TBXAS1: variants seen among roughly 807,000 people sequenced by gnomAD.
The protein encoded by TBXAS1 is thromboxane A synthase 1.
A neutral mutation model predicts 60.7 loss-of-function variants in TBXAS1; 48 were observed. That is an observed-to-expected ratio of 0.79 (90% CI 0.63 to 1.01). TBXAS1 has a LOEUF of 1.01. Ranked by LOEUF, TBXAS1 falls within the 50% of genes least tolerant of loss-of-function variation. The probability of loss-of-function intolerance (pLI) is 0.00; values close to 1 mark genes in which losing one functional copy is unlikely to be tolerated. For missense variants in TBXAS1, 685 were observed against 686.3 expected (o/e 1.00, Z 0.02); for synonymous variants, 287 against 269.7 (o/e 1.06, Z -0.63).
At chr7:139,937,428 G>A (rs1270107126) in intron 5 of TBXAS1, among the ~76,000 whole-genome samples, 3 of 152,224 alleles carry the variant, frequency 2.0e-5, no homozygotes, top group Non-Finnish European at 4.4e-5. Context: ...CAGAAGAGGA[G>A]GGGGTTCCAC....
chr7:139,902,493 AGTTT>A, intron 3 of TBXAS1, among the ~76,000 whole-genome samples: 1 of 152,242 alleles, frequency 6.6e-6, no homozygotes, highest in East Asian at 1.9e-4. Flanking sequence ...GATGTACTAC[AGTTT>A]GTTTACCCAT....
chr7:139,806,861 C>T (rs1050159697), intron 4 of TBXAS1, among the ~76,000 whole-genome samples: 11 of 151,790 alleles, frequency 7.2e-5, no homozygotes, highest in African/African-American at 2.4e-4. Flanking sequence ...CTTTCACCGC[C>T]ATCCACACTG....
chr7:139,782,684 TGAGCCTGTGCCTGTGGTTTATCTCTG>T (rs1218540406), exon 3 of TBXAS1: 1 of 152,270 alleles, frequency 6.6e-6, no homozygotes, highest in Non-Finnish European at 1.5e-5. Flanking sequence ...TTTCCATGTG[TGAGCCTGTGCCTGTGGTTTATCTCTG>T]GAGGATGTGC....
intron 4 of TBXAS1, among the ~76,000 whole-genome samples, chr7:139,818,551 G>T (rs1389130156): frequency 6.6e-6 from 1 of 152,142 alleles, no homozygotes; most frequent in Non-Finnish European, 1.5e-5. Flanking sequence ...CATTCTAGGT[G>T]GAGACTGGTA....
intron 1 of TBXAS1, among the ~76,000 whole-genome samples, chr7:139,850,656 A>G (rs1273250111): frequency 1.3e-5 from 2 of 152,202 alleles, no homozygotes; most frequent in Admixed American, 6.5e-5. Context: ...TCAAGTTAAG[A>G]TGAGGTCCTA....
At chr7:139,994,873 T>C (rs1434954875) in intron 9 of TBXAS1, among the ~76,000 whole-genome samples, 1 of 152,170 alleles carries the variant, frequency 6.6e-6, no homozygotes, top group Non-Finnish European at 1.5e-5. Flanking sequence ...GGTGGTCTGC[T>C]GAAAATGCTG....
At chr7:139,961,022 C>T (rs1173336823) in intron 8 of TBXAS1, among the ~76,000 whole-genome samples, 1 of 152,044 alleles carries the variant, frequency 6.6e-6, no homozygotes, top group Non-Finnish European at 1.5e-5. Context: ...GATATAGAAA[C>T]ACTCCTATTG....
upstream of TBXAS1, among the ~76,000 whole-genome samples, chr7:139,828,583 C>T (rs1585565256): frequency 6.6e-6 from 1 of 152,156 alleles, no homozygotes; most frequent in East Asian, 1.9e-4. Context: ...AGATGCTGCT[C>T]TGTCTGAAGC....
intron 1 of TBXAS1, among the ~76,000 whole-genome samples, chr7:139,842,618 A>G (rs540185896): frequency 1.3e-5 from 2 of 152,240 alleles, no homozygotes; most frequent in African/African-American, 4.8e-5. Context: ...TAAGAGCCAC[A>G]TCTTTCCTGG....
intron 4 of TBXAS1, among the ~76,000 whole-genome samples, chr7:139,926,581 T>A (rs958134570): frequency 1.3e-5 from 2 of 152,074 alleles, no homozygotes; most frequent in Non-Finnish European, 1.5e-5. Context: ...AAAAACCAAC[T>A]TTTTATTTTG....
rs1802864116 is a variant in TBXAS1, at chr7:139,883,658, A to C, written c.236+8021A>C. ...TACTGCTTGTTACCTTAATGGATTT[A>C]GGCCAATCACTTCCCCTCTCCAGCT... On this transcript the variant is annotated intron_variant, in intron 3 of 12. Coordinates refer to ENST00000448866, the MANE Select transcript of TBXAS1 (RefSeq NM_001061.7). Among the ~76,000 whole-genome samples, 4 of 152,342 alleles carry C rather than the reference A, an allele frequency of 2.6e-5. No individual in the cohort carries two copies. The South Asian group carries it at 8.3e-4, about 32-fold the overall frequency.
Position 139,872,484 on chromosome 7 carries a change from G to A in TBXAS1, c.183+156G>A, listed in dbSNP as rs1279521604. Among the ~76,000 whole-genome samples the A allele has an allele frequency of 2.6e-5, 4 of 151,988 alleles. No homozygotes were observed. In the South Asian group the frequency reaches 6.2e-4, roughly 24 times the overall value. On this transcript the variant is annotated intron_variant, in intron 2 of 12. Transcript: ENST00000448866. Reference sequence around the variant, plus strand: ...AGCCTGACCAACATGGTGAAACCCCGTCTCTACTAAATACAAAAAATTAGC... The same window carrying A: ...AGCCTGACCAACATGGTGAAACCCCATCTCTACTAAATACAAAAAATTAGC...
chr7:139,803,671 T>C (rs1797774704), intron 4 of TBXAS1, among the ~76,000 whole-genome samples: 2 of 152,084 alleles, frequency 1.3e-5, no homozygotes, highest in Admixed American at 1.3e-4. Context: ...AGGCCCCCAC[T>C]GTGTGCAGCC....
intron 1 of TBXAS1, among the ~76,000 whole-genome samples, chr7:139,849,072 GA>G (rs998592483): frequency 3.3e-5 from 5 of 151,724 alleles, no homozygotes; most frequent in African/African-American, 9.7e-5. Context: ...CTCTCTGGGG[GA>G]AAAAAAACAA....
rs369644265 is a variant in TBXAS1 at position 139,936,271 on chromosome 7, C to G, written c.414C>G (p.Ala138=). ...AAAGATGGGAAGAGGTCAGAGGTGC[C>G]CTGATGTCTGCTTTCAGTCCTGAAA... is the stretch of plus-strand genomic sequence containing the variant. The part of the protein sequence containing the change: ...RDKRWEEVRG[A]LMSAFSPEKL... The change falls in exon 5 of 13, where the codon GCC becomes GCG. Residue 138 remains alanine, a synonymous_variant. Coordinates refer to ENST00000448866, the MANE Select transcript of TBXAS1 (RefSeq NM_001061.7). 2.7e-4 allele frequency: 435 copies of G among 1,614,010 alleles called. No individual in the cohort carries two copies. Among genetic ancestry groups the G allele is most frequent in the Non-Finnish European group, 3.6e-4 (423 of 1,180,028 alleles).
At position 139,926,311 on chromosome 7, in the gene TBXAS1, C is replaced by T. The variant is rs140924501; in HGVS notation, c.334-9880C>T. 3.5e-3 allele frequency among the ~76,000 whole-genome samples: 537 copies of T among 152,204 alleles called. 7 individuals carry two copies. The highest frequency in any genetic ancestry group is 0.012 in the African/African-American group (503 of 41,530). On this transcript the variant is annotated intron_variant, in intron 4 of 12. Transcript: ENST00000448866. ...TTCTTTGCTGGGAGACTTTTTATTA[C>T]GGCTTTGATTTCATTACTTGTTATT...
chr7:139,827,719 G>C (rs1231787457), upstream of TBXAS1, among the ~76,000 whole-genome samples: 1 of 152,192 alleles, frequency 6.6e-6, no homozygotes, highest in Non-Finnish European at 1.5e-5. Context: ...GAAAATGACT[G>C]TATCTTTCCT....
At chr7:139,869,158 G>A (rs1421487496) in intron 1 of TBXAS1, among the ~76,000 whole-genome samples, 2 of 152,158 alleles carry the variant, frequency 1.3e-5, no homozygotes, top group African/African-American at 4.8e-5. Flanking sequence ...GGTGTCTGCA[G>A]GGCTATGTTC....
chr7:139,941,871 G>A (rs890998683), intron 5 of TBXAS1, among the ~76,000 whole-genome samples: 3 of 152,118 alleles, frequency 2.0e-5, no homozygotes, highest in Admixed American at 1.3e-4. Context: ...CTTCTCTGAC[G>A]GAAAATGTAT....
Sources: allele counts gnomAD v4.1 joint callset (sites outside exome capture counted in the v4.1 genomes callset), GRCh38; gene constraint gnomAD v4.1.1; transcripts MANE v1.5; gene names NCBI Gene and HGNC (gene_info 2026-07-23, HGNC 2026-07-21).